Variants in TMEM178B observed in about 807,000 individuals in gnomAD.
TMEM178B encodes the protein transmembrane protein 178B.
TMEM178B carries 5 observed loss-of-function variants against 31.0 expected under a neutral mutation model. The ratio of observed to expected loss-of-function variants is 0.16; its 90% CI spans 0.08 to 0.34. TMEM178B has a LOEUF of 0.34. Among genes scored for constraint, TMEM178B ranks in the 10% least tolerant of loss-of-function variants. The pLI is 1.00. For synonymous variants in TMEM178B, 164 were observed against 164.0 expected (o/e 1.00, Z 0.00); for missense variants, 275 against 400.3 (o/e 0.69, Z 2.67).
chr7:141,148,962 G>C, intron 1 of TMEM178B, among the ~76,000 whole-genome samples: 1 of 152,216 alleles, frequency 6.6e-6, no homozygotes, highest in East Asian at 1.9e-4. Context: ...TAGCTTGTCA[G>C]AGATGGAGAG....
rs760737949 is a variant in TMEM178B at position 141,306,449 on chromosome 7, A to G, written c.496+93745A>G. Among the ~76,000 whole-genome samples the G allele has an allele frequency of 5.3e-5, 8 of 152,326 alleles. No individual in the cohort carries two copies. The South Asian group carries it at 8.3e-4, about 16-fold the overall frequency. ...GTCACAGGAAGGAAATTCTGTATCT[A>G]GAAAAGGTGTCCGCTTTCTGAGTAT... On this transcript the variant is annotated intron_variant, in intron 2 of 3. Coordinates refer to ENST00000565468, the MANE Select transcript of TMEM178B (RefSeq NM_001195278.2).
chr7:141,445,474 C>T (rs1374117849), intron 3 of TMEM178B, among the ~76,000 whole-genome samples: 1 of 152,192 alleles, frequency 6.6e-6, no homozygotes, highest in Non-Finnish European at 1.5e-5. Flanking sequence ...TACTTAGAAA[C>T]ATGCTAGGAT....
At chr7:141,114,238 C>T (rs1317801264) in intron 1 of TMEM178B, among the ~76,000 whole-genome samples, 1 of 152,256 alleles carries the variant, frequency 6.6e-6, no homozygotes, top group East Asian at 1.9e-4. Flanking sequence ...CCATCTTGTA[C>T]TCTGATCATT....
At position 141,306,149 on chromosome 7, in the gene TMEM178B, A is replaced by G. The variant is rs1444564205; in HGVS notation, c.496+93445A>G. On this transcript the variant is annotated intron_variant, in intron 2 of 3. Coordinates refer to ENST00000565468, the MANE Select transcript of TMEM178B (RefSeq NM_001195278.2). ...CATTCCAGATTCCTTGGCTGCCGTT[A>G]ATGTCATTCATATAGCCTAGTCTCT... is the stretch of plus-strand genomic sequence containing the variant. 2.0e-5 allele frequency among the ~76,000 whole-genome samples: 3 copies of G among 152,210 alleles called. No homozygotes were observed. In the East Asian group the frequency reaches 5.8e-4, roughly 29 times the overall value.
At chr7:141,279,716 C>T (rs1246655198) in intron 2 of TMEM178B, among the ~76,000 whole-genome samples, 1 of 152,206 alleles carries the variant, frequency 6.6e-6, no homozygotes, top group East Asian at 1.9e-4. Context: ...AAGCTGGAAC[C>T]CTGAGTCTGA....
the TMEM178B span, among the ~76,000 whole-genome samples, chr7:141,490,039 G>A: frequency 6.6e-6 from 1 of 152,194 alleles, no homozygotes; most frequent in Non-Finnish European, 1.5e-5. Flanking sequence ...GCAAGCTGCT[G>A]TTGCCTATTT....
intron 3 of TMEM178B, among the ~76,000 whole-genome samples, chr7:141,442,255 C>G (rs1433831618): frequency 6.6e-6 from 1 of 152,172 alleles, no homozygotes; most frequent in East Asian, 1.9e-4. Flanking sequence ...TGGAAGACAT[C>G]CATCACCTCC....
At position 141,422,002 on chromosome 7, in the gene TMEM178B, G is replaced by A. The variant is rs912693135; in HGVS notation, c.497-15606G>A. Among the ~76,000 whole-genome samples, 5 of 151,894 alleles carry A rather than the reference G, an allele frequency of 3.3e-5. No homozygotes were observed. Among genetic ancestry groups the A allele is most frequent in the Admixed American group, 6.6e-5 (1 of 15,248 alleles). ...TAAAATTTGATTCAGATCTAATATC[G>A]GAACCTCAGTCTTATATTAATATTT... On this transcript the variant is annotated intron_variant, in intron 2 of 3. Transcript: ENST00000565468. This position sits in a 1 kb window ranked among gnomAD's most constrained non-coding sequence, Gnocchi z 4.2.
At chr7:141,246,203 G>A (rs796555749) in intron 2 of TMEM178B, among the ~76,000 whole-genome samples, 12 of 152,236 alleles carry the variant, frequency 7.9e-5, no homozygotes, top group African/African-American at 2.9e-4. Flanking sequence ...TCCATTTTTT[G>A]TTGATAGTTC....
chr7:141,157,602 G>A (rs186441724), intron 1 of TMEM178B, among the ~76,000 whole-genome samples: 62 of 152,196 alleles, frequency 4.1e-4, no homozygotes, highest in Non-Finnish European at 5.9e-4. Context: ...TCAGCAGCCC[G>A]ACCCCAGGTC....
chr7:141,493,790 G>C, the TMEM178B span, among the ~76,000 whole-genome samples: 5 of 151,986 alleles, frequency 3.3e-5, no homozygotes, highest in South Asian at 8.3e-4. Context: ...TCCTTCACCT[G>C]GTCTTCTAGA....
In TMEM178B at chr7:141,461,995, G is replaced by A. The variant is rs578133216; in HGVS notation, c.635-8541G>A. On this transcript the variant is annotated intron_variant, in intron 3 of 3. Transcript: ENST00000565468. This position sits in a 1 kb window ranked among gnomAD's most constrained non-coding sequence, Gnocchi z 4.0. ...ACCTGGCACTTCTAACATTAGCGACGCATTCCAGGGATCCAAGTTTCTGTT... is the reference window on the plus strand; with the variant it reads ...ACCTGGCACTTCTAACATTAGCGACACATTCCAGGGATCCAAGTTTCTGTT... Among the ~76,000 whole-genome samples, 46 of 152,278 alleles carry A rather than the reference G, an allele frequency of 3.0e-4. No homozygotes were observed. Among genetic ancestry groups the A allele is most frequent in the South Asian group, 1.9e-3 (9 of 4,824 alleles).
intron 1 of TMEM178B, among the ~76,000 whole-genome samples, chr7:141,198,569 G>A (rs1231905077): frequency 6.6e-6 from 1 of 152,166 alleles, no homozygotes; most frequent in Non-Finnish European, 1.5e-5. Context: ...CCTGAGAGCT[G>A]GGGATTCTTA....
chr7:141,274,655 C>A (rs1337854609), intron 2 of TMEM178B, among the ~76,000 whole-genome samples: 2 of 152,200 alleles, frequency 1.3e-5, no homozygotes, highest in Admixed American at 6.5e-5. Flanking sequence ...TCCATGCCCT[C>A]AAGGGAAGAA....
intron 2 of TMEM178B, among the ~76,000 whole-genome samples, chr7:141,273,334 T>C (rs1346986674): frequency 1.3e-5 from 2 of 152,218 alleles, no homozygotes; most frequent in African/African-American, 4.8e-5. Flanking sequence ...GTTCATTAAT[T>C]TGGTTGTGAT....
At chr7:141,155,998 G>A (rs543007522) in intron 1 of TMEM178B, among the ~76,000 whole-genome samples, 85 of 152,272 alleles carry the variant, frequency 5.6e-4, no homozygotes, top group Non-Finnish European at 1.1e-3. Flanking sequence ...CCAGGAGGCG[G>A]AGGCTGCAGT....
intron 2 of TMEM178B, among the ~76,000 whole-genome samples, chr7:141,265,544 G>C (rs1032677436): frequency 6.6e-6 from 1 of 152,110 alleles, no homozygotes; most frequent in African/African-American, 2.4e-5. Flanking sequence ...ATTCTCTAAG[G>C]GTATCTTATT....
At chr7:141,206,028 G>T (rs186695207) in intron 1 of TMEM178B, among the ~76,000 whole-genome samples, 1 of 152,334 alleles carries the variant, frequency 6.6e-6, no homozygotes, top group East Asian at 1.9e-4. Context: ...TTTATAGCAT[G>T]ATGCAAACAT....
At chr7:141,082,340 T>C (rs936210634) in intron 1 of TMEM178B, among the ~76,000 whole-genome samples, 1 of 152,216 alleles carries the variant, frequency 6.6e-6, no homozygotes, top group African/African-American at 2.4e-5. Context: ...CTTTATTGAA[T>C]TCCTAGAGGG....
Sources: gnomAD v4.1 joint callset for allele counts (sites outside exome capture counted in the v4.1 genomes callset) on GRCh38, gnomAD v4.1.1 for gene constraint, Gnocchi (gnomAD v3.1) non-coding constraint, MANE v1.5 for transcripts, NCBI Gene and HGNC (gene_info 2026-07-23, HGNC 2026-07-21) for gene names.